SPAG16: variants seen among roughly 807,000 people sequenced by gnomAD.
SPAG16 encodes sperm-associated antigen 16 protein.
SPAG16 carries 86 observed loss-of-function variants against 80.4 expected under a neutral mutation model. The ratio of observed to expected loss-of-function variants is 1.07; its 90% confidence interval spans 0.90 to 1.28. The LOEUF is 1.28. Among genes scored for constraint, SPAG16 ranks in the 50% most tolerant of loss-of-function variants. The pLI is 0.00. For synonymous variants in SPAG16, 294 were observed against 265.9 expected (o/e 1.11, Z -1.03); for missense variants, 870 against 765.3 (o/e 1.14, Z -1.61).
intron 10 of SPAG16, among the ~76,000 whole-genome samples, chr2:213,668,796 G>C (rs1453128311): frequency 6.6e-6 from 1 of 151,864 alleles, no homozygotes; most frequent in East Asian, 1.9e-4. Context: ...TTACAGGTGT[G>C]TGCCACCACG....
At chr2:213,299,369 C>T (rs1169498178) in intron 3 of SPAG16, among the ~76,000 whole-genome samples, 2 of 150,354 alleles carry the variant, frequency 1.3e-5, no homozygotes, top group African/African-American at 4.9e-5. Context: ...GTGGCGCAAT[C>T]TTGGCTCACT....
intron 10 of SPAG16, among the ~76,000 whole-genome samples, chr2:213,747,025 A>G (rs76187972): frequency 0.033 from 5,049 of 152,254 alleles, 103 homozygotes; most frequent in Middle Eastern, 0.044. Flanking sequence ...ATAAAAGGAG[A>G]TAACAGCTCC....
chr2:214,291,115 C>G (rs1250480705), intron 15 of SPAG16, among the ~76,000 whole-genome samples: 2 of 151,610 alleles, frequency 1.3e-5, no homozygotes, highest in Admixed American at 6.6e-5. Context: ...ATATAATGGC[C>G]TTTGTTTTTT....
At chr2:213,341,941 A>T (rs2064706044) in intron 6 of SPAG16, among the ~76,000 whole-genome samples, 1 of 152,168 alleles carries the variant, frequency 6.6e-6, no homozygotes, top group South Asian at 2.1e-4. Context: ...ATTATGAAGT[A>T]CTTATGGACT....
chr2:213,526,523 C>T (rs1309280302), intron 10 of SPAG16, among the ~76,000 whole-genome samples: 1 of 152,208 alleles, frequency 6.6e-6, no homozygotes, highest in Admixed American at 6.5e-5. Flanking sequence ...ATCTGGACCA[C>T]ATGCTGTCTA....
intron 9 of SPAG16, among the ~76,000 whole-genome samples, chr2:213,482,345 A>G (rs1255932801): frequency 6.6e-6 from 1 of 152,240 alleles, no homozygotes; most frequent in African/African-American, 2.4e-5. Flanking sequence ...AAGAGGGCAC[A>G]GAACTGACAT....
chr2:214,116,357 T>C (rs1306835231), intron 14 of SPAG16, among the ~76,000 whole-genome samples: 3 of 152,050 alleles, frequency 2.0e-5, no homozygotes, highest in Non-Finnish European at 4.4e-5. Context: ...AACCTGGGAG[T>C]CTAAGCCTCC....
intron 13 of SPAG16, among the ~76,000 whole-genome samples, chr2:214,082,732 T>G (rs1269950205): frequency 6.6e-6 from 1 of 152,210 alleles, no homozygotes; most frequent in Non-Finnish European, 1.5e-5. Flanking sequence ...AACATCACAT[T>G]TCTTAAAAAT....
chr2:214,107,527 A>G (rs975854628), intron 13 of SPAG16, among the ~76,000 whole-genome samples: 3 of 152,172 alleles, frequency 2.0e-5, no homozygotes, highest in Non-Finnish European at 4.4e-5. Context: ...TTAGATCCCT[A>G]TTATAATGTG....
intron 15 of SPAG16, among the ~76,000 whole-genome samples, chr2:214,169,222 T>G (rs999194625): frequency 1.3e-5 from 2 of 152,106 alleles, no homozygotes; most frequent in Non-Finnish European, 2.9e-5. Context: ...GTATCTGAGA[T>G]GTAAATTAAT....
chr2:214,052,655 TA>T (rs1250596310), intron 13 of SPAG16, among the ~76,000 whole-genome samples: 1 of 152,172 alleles, frequency 6.6e-6, no homozygotes, highest in Non-Finnish European at 1.5e-5. Flanking sequence ...AAGCTATTTT[TA>T]AAATACTAAA....
chr2:214,049,279 G>C (rs1202970886), intron 13 of SPAG16, among the ~76,000 whole-genome samples: 1 of 152,140 alleles, frequency 6.6e-6, no homozygotes, highest in Non-Finnish European at 1.5e-5. Flanking sequence ...AGGAAGTCTT[G>C]ATCTTGATCA....
At chr2:213,383,166 A>G (rs1429949734) in intron 9 of SPAG16, among the ~76,000 whole-genome samples, 3 of 152,178 alleles carry the variant, frequency 2.0e-5, no homozygotes, top group African/African-American at 7.2e-5. Context: ...TGGATCTGGC[A>G]ACCTCCTTTT....
chr2:214,176,110 C>T (rs2057069805), intron 15 of SPAG16, among the ~76,000 whole-genome samples: 1 of 151,162 alleles, frequency 6.6e-6, no homozygotes, highest in Non-Finnish European at 1.5e-5. Context: ...TGTATGGATA[C>T]CTTCAGATTA....
chr2:214,178,747 C>G (rs920856926), intron 15 of SPAG16, among the ~76,000 whole-genome samples: 3 of 151,176 alleles, frequency 2.0e-5, no homozygotes. Context: ...ATTTCTATTA[C>G]CCAGTATTCG....
chr2:214,190,802 C>A (rs2057637468), intron 15 of SPAG16, among the ~76,000 whole-genome samples: 2 of 152,040 alleles, frequency 1.3e-5, no homozygotes, highest in Non-Finnish European at 2.9e-5. Flanking sequence ...AGGAAGGCGC[C>A]CTCACCAGAT....
intron 10 of SPAG16, among the ~76,000 whole-genome samples, chr2:213,736,985 C>T (rs1469417594): frequency 3.3e-5 from 5 of 152,174 alleles, no homozygotes; most frequent in Non-Finnish European, 5.9e-5. Flanking sequence ...GGATTACAGG[C>T]GTCAGCCACC....
chr2:214,269,384 T>C (rs1485991611), intron 15 of SPAG16, among the ~76,000 whole-genome samples: 1 of 152,050 alleles, frequency 6.6e-6, no homozygotes, highest in African/African-American at 2.4e-5. Flanking sequence ...TCTTTGGACA[T>C]ATGCCTATTC....
chr2:214,245,330 C>T (rs1245639045), intron 15 of SPAG16, among the ~76,000 whole-genome samples: 1 of 152,138 alleles, frequency 6.6e-6, no homozygotes, highest in Non-Finnish European at 1.5e-5. Context: ...TCTCTTTCCC[C>T]TAGTCCCCAA....
Sources: allele counts gnomAD v4.1 joint callset (sites outside exome capture counted in the v4.1 genomes callset), GRCh38; gene constraint gnomAD v4.1.1; transcripts MANE v1.5; gene names NCBI Gene and HGNC (gene_info 2026-07-23, HGNC 2026-07-21).